The following ITGB6 variants were observed in gnomAD, a reference collection of about 807,000 sequenced individuals.
ITGB6 encodes the protein integrin beta-6.
In ITGB6, 80 loss-of-function variants were observed where a neutral mutation model predicts 84.5. That is an observed-to-expected ratio of 0.95 (90% CI 0.79 to 1.14). The LOEUF is 1.14. ITGB6 is among the 50% of genes most tolerant of loss of function. The probability of loss-of-function intolerance (pLI) is 0.00; values close to 1 mark genes in which losing one functional copy is unlikely to be tolerated. For missense variants in ITGB6, 1,006 were observed against 968.0 expected, an observed-to-expected ratio of 1.04 and a Z score of -0.52; for synonymous variants, 383 against 354.9, an observed-to-expected ratio of 1.08 and a Z score of -0.89.
chr2:160,196,395 C>T lies in ITGB6; in HGVS notation c.167G>A (p.Gly56Asp), dbSNP rs143336326. The T allele has an allele frequency of 3.0e-5, 49 of 1,613,588 alleles. No individual in the cohort carries two copies. The African/African-American group carries it at 5.5e-4, about 18-fold the overall frequency. Residue 56 changes from glycine (G) to aspartate (D), a missense_variant, in exon 3 of 15, where the codon GGC (glycine) becomes GAC (aspartate). Gly to Asp is a moderately conservative substitution (Grantham distance 94, BLOSUM62 -1). Coordinates refer to ENST00000283249, the MANE Select transcript of ITGB6 (RefSeq NM_000888.5). The part of the protein sequence containing the change: ...QENFTHPSGV[G>D]ERCDTPANLL... ...GTTTGCTGGGGTATCACACCTTTCG[C>T]CAACTCCAGATGGATGAGTAAAATT...
rs1306566540 is a variant in ITGB6 at position 160,172,807 on chromosome 2, A to G, written c.760-77T>C. 15 of 1,162,186 alleles carry G rather than the reference A, an allele frequency of 1.3e-5. No homozygotes were observed. The East Asian group carries it at 3.1e-4, about 24-fold the overall frequency. 72.0% of individuals were successfully genotyped at this position (1,162,186 alleles called of 1,614,324 possible). On this transcript the variant is annotated intron_variant, in intron 5 of 14. Coordinates refer to ENST00000283249, the MANE Select transcript of ITGB6 (RefSeq NM_000888.5). ...TTGAGTGTGGATCAATTATGCTTGGACACATTTAGGTTATAAAAATAATAT... is the reference window on the plus strand; with the variant it reads ...TTGAGTGTGGATCAATTATGCTTGGGCACATTTAGGTTATAAAAATAATAT...
chr2:160,162,675 A>G (rs1684864430), intron 7 of ITGB6, among the ~76,000 whole-genome samples: 1 of 152,106 alleles, frequency 6.6e-6, no homozygotes, highest in Non-Finnish European at 1.5e-5. Flanking sequence ...CTAGAGTGCA[A>G]TGGTGCGATC....
intron 7 of ITGB6, among the ~76,000 whole-genome samples, chr2:160,157,131 C>T (rs574296678): frequency 5.3e-5 from 8 of 152,260 alleles, no homozygotes; most frequent in Admixed American, 4.6e-4. Context: ...CCTCAAGTGG[C>T]GGTGTCTCTG....
intron 4 of ITGB6, 49 bp downstream of exon 4, chr2:160,195,320 C>G: frequency 6.2e-7 from 1 of 1,610,716 alleles, no homozygotes; most frequent in Non-Finnish European, 8.5e-7. Context: ...GCGGGAGTAT[C>G]TCCACAGAAA....
In ITGB6 at chr2:160,184,595, T is replaced by C. The variant is rs1260503472; in HGVS notation, c.594-10456A>G. Among the ~76,000 whole-genome samples the C allele has an allele frequency of 3.3e-5, 5 of 152,032 alleles. No homozygotes were observed. The South Asian group carries it at 6.2e-4, about 19-fold the overall frequency. Reference sequence around the variant, plus strand: ...TTCCTTTTGAAACTATTCCAAACAATAGAAAAAGAGGGAATCCTCCCTAAC... The same window carrying C: ...TTCCTTTTGAAACTATTCCAAACAACAGAAAAAGAGGGAATCCTCCCTAAC... On this transcript the variant is annotated intron_variant, in intron 4 of 14. Coordinates refer to ENST00000283249, the MANE Select transcript of ITGB6 (RefSeq NM_000888.5).
chr2:160,185,697 C>T (rs530781842), intron 4 of ITGB6, among the ~76,000 whole-genome samples: 5 of 152,322 alleles, frequency 3.3e-5, no homozygotes, highest in East Asian at 1.9e-4. Flanking sequence ...AAGCTGGAGG[C>T]ATCATGCCAC....
chr2:160,110,581 T>A (rs1682456056), intron 13 of ITGB6, among the ~76,000 whole-genome samples: 1 of 152,192 alleles, frequency 6.6e-6, no homozygotes, highest in South Asian at 2.1e-4. Context: ...GTGGCTCTTA[T>A]GCTCTGGAAG....
chr2:160,117,516 T>C (rs1682837205), intron 12 of ITGB6, among the ~76,000 whole-genome samples: 1 of 151,760 alleles, frequency 6.6e-6, no homozygotes, highest in African/African-American at 2.4e-5. Context: ...TTCAAAGCAG[T>C]GTGCAGAGTG....
intron 11 of ITGB6, among the ~76,000 whole-genome samples, chr2:160,124,169 C>A (rs1367089382): frequency 1.3e-5 from 2 of 152,176 alleles, no homozygotes; most frequent in African/African-American, 4.8e-5. Flanking sequence ...AGTAAACAAA[C>A]AAATAATCAA....
chr2:160,147,801 C>T (rs1286354544), intron 7 of ITGB6, among the ~76,000 whole-genome samples: 2 of 152,142 alleles, frequency 1.3e-5, no homozygotes, highest in Admixed American at 1.3e-4. Flanking sequence ...CACATTATTA[C>T]ACCCTTCACA....
At chr2:160,114,306 G>A (rs997645599) in intron 12 of ITGB6, among the ~76,000 whole-genome samples, 9 of 152,112 alleles carry the variant, frequency 5.9e-5, no homozygotes, top group African/African-American at 1.9e-4. Flanking sequence ...TGCATAATTC[G>A]CTGCATAATT....
intron 4 of ITGB6, among the ~76,000 whole-genome samples, chr2:160,182,589 A>T (rs1032878491): frequency 2.0e-5 from 3 of 152,228 alleles, no homozygotes; most frequent in Admixed American, 6.5e-5. Flanking sequence ...ATCCAGGAGA[A>T]CTTCCCCAAC....
chr2:160,191,647 G>A (rs1686148325), intron 4 of ITGB6, among the ~76,000 whole-genome samples: 1 of 152,120 alleles, frequency 6.6e-6, no homozygotes, highest in African/African-American at 2.4e-5. Flanking sequence ...CAACTTAAAA[G>A]GGTACTGGAG....
At chr2:160,137,400 G>A (rs1164566527) in intron 10 of ITGB6, 34 bp downstream of exon 10, 2 of 1,571,582 alleles carry the variant, frequency 1.3e-6, no homozygotes, top group South Asian at 1.2e-5. Flanking sequence ...TACTTGAGCA[G>A]CCACAGGGTA....
At chr2:160,144,729 T>C (rs2105828625) in intron 7 of ITGB6, among the ~76,000 whole-genome samples, 1 of 152,234 alleles carries the variant, frequency 6.6e-6, no homozygotes, top group East Asian at 1.9e-4. Flanking sequence ...GGTTAATTCT[T>C]GGCTAACAAA....
intron 14 of ITGB6, among the ~76,000 whole-genome samples, chr2:160,102,192 G>A (rs963662917): frequency 6.6e-6 from 1 of 152,108 alleles, no homozygotes; most frequent in Non-Finnish European, 1.5e-5. Context: ...CATGAACAGT[G>A]ACAGATGAAC....
At chr2:160,105,369 A>G (rs1309507292) in intron 14 of ITGB6, among the ~76,000 whole-genome samples, 1 of 152,186 alleles carries the variant, frequency 6.6e-6, no homozygotes, top group Non-Finnish European at 1.5e-5. Context: ...GGGGAAATTA[A>G]CTGTTAATTA....
At chr2:160,145,065 T>C (rs1684139041) in intron 7 of ITGB6, among the ~76,000 whole-genome samples, 1 of 152,248 alleles carries the variant, frequency 6.6e-6, no homozygotes, top group East Asian at 1.9e-4. Flanking sequence ...GTAAATATCA[T>C]GTGTCAAATG....
At chr2:160,196,194 C>T in intron 3 of ITGB6, 22 bp downstream of exon 3, 1 of 1,602,994 alleles carries the variant, frequency 6.2e-7, no homozygotes, top group South Asian at 1.1e-5. Context: ...GATCTATTTA[C>T]ATGAGCCAAA....
Sources: gnomAD v4.1 joint callset for allele counts (sites outside exome capture counted in the v4.1 genomes callset) on GRCh38, gnomAD v4.1.1 for gene constraint, MANE v1.5 for transcripts, NCBI Gene and HGNC (gene_info 2026-07-23, HGNC 2026-07-21) for gene names.